Variants in ABAT observed in about 807,000 individuals in gnomAD.
The protein encoded by ABAT is 4-aminobutyrate aminotransferase, also known as 4-aminobutyrate aminotransferase, mitochondrial.
A neutral mutation model predicts 64.6 loss-of-function variants in ABAT; 45 were observed. The observed-to-expected ratio is 0.70, with a 90% CI of 0.55 to 0.89. ABAT has a LOEUF of 0.89. Ranked by LOEUF, ABAT falls within the 40% of genes least tolerant of loss-of-function variation. The pLI is 0.00. For missense variants in ABAT, 633 were observed against 658.4 expected, an observed-to-expected ratio of 0.96 and a Z score of 0.42; for synonymous variants, 297 against 250.5, an observed-to-expected ratio of 1.19 and a Z score of -1.75.
chr16:8,784,157 C>G lies in ABAT; in HGVS notation c.*2727C>G, dbSNP rs977168431. The G allele has an allele frequency of 2.6e-5, 4 of 152,652 alleles. No individual in the cohort carries two copies. Among genetic ancestry groups the G allele is most frequent in the African/African-American group, 9.6e-5 (4 of 41,456 alleles). The allele number at this position is 152,652 out of a possible 1,614,324, so 9.5% of individuals were successfully genotyped here. A position where few individuals can be genotyped will look rare whatever the true frequency, so the allele number is the denominator to read the frequency against. On this transcript the variant is annotated 3_prime_UTR_variant, in exon 16 of 16. Transcript: ENST00000268251. ...GCCGACAGTCTGGAAATGAATCCAT[C>G]ATACATTAGTGCCATAGAGTTTAGT...
intron 2 of ABAT, among the ~76,000 whole-genome samples, chr16:8,743,048 C>T: frequency 6.8e-6 from 1 of 146,490 alleles, no homozygotes; most frequent in African/African-American, 2.5e-5. Context: ...TGTTCTAGGA[C>T]CTTTAGCTCT....
Position 8,764,735 on chromosome 16 carries a change from C to T in ABAT, c.448-3C>T. 2 of 1,613,984 alleles carry T rather than the reference C, an allele frequency of 1.2e-6. No individual in the cohort carries two copies. Among genetic ancestry groups the T allele is most frequent in the East Asian group, 2.2e-5 (1 of 44,876 alleles). On this transcript the variant is annotated splice_polypyrimidine_tract_variant and splice_region_variant and intron_variant, in intron 7 of 15. Transcript: ENST00000268251. The surrounding 1 kb of genome is among the most constrained non-coding windows in gnomAD (Gnocchi z 4.2). ...GGGCTCACGGCTATTTCCCTCCCCA[C>T]AGGTGGCTCCCAAAGGGATGTCCCA...
rs61307956 is a variant in ABAT, at chr16:8,757,816, G to A, written c.366+10G>A. Reference sequence around the variant, plus strand: ...ACAGCCTCAAAATGCGGTAGGTCTTGGGGTTACACAGAAGAAAGACAAAAT... The same window carrying A: ...ACAGCCTCAAAATGCGGTAGGTCTTAGGGTTACACAGAAGAAAGACAAAAT... On this transcript the variant is annotated intron_variant, in intron 6 of 15. Coordinates refer to ENST00000268251, the MANE Select transcript of ABAT (RefSeq NM_020686.6). The A allele has an allele frequency of 1.6e-4, 255 of 1,613,870 alleles. 1 individual carries two copies. The African/African-American group carries it at 3.1e-3, about 20-fold the overall frequency.
chr16:8,696,082 A>G (rs1015628814), intron 1 of ABAT, among the ~76,000 whole-genome samples: 3 of 152,208 alleles, frequency 2.0e-5, no homozygotes, highest in Non-Finnish European at 4.4e-5. Flanking sequence ...CGATTTTGTA[A>G]CTTATTGAAG....
intron 1 of ABAT, among the ~76,000 whole-genome samples, chr16:8,681,744 C>G (rs930366718): frequency 1.3e-5 from 2 of 150,844 alleles, no homozygotes; most frequent in Non-Finnish European, 2.9e-5. Context: ...CGGGTTCAAG[C>G]GATTCTCCTG....
At chr16:8,742,051 T>C (rs947867263) in intron 2 of ABAT, among the ~76,000 whole-genome samples, 2 of 152,206 alleles carry the variant, frequency 1.3e-5, no homozygotes, top group Admixed American at 6.5e-5. Flanking sequence ...ATGGAAAACA[T>C]GATAGGAGCT....
chr16:8,738,035 C>A lies in ABAT; in HGVS notation c.70+2226C>A, dbSNP rs375926456. Among the ~76,000 whole-genome samples, 768 of 85,956 alleles carry A rather than the reference C, an allele frequency of 8.9e-3. 76 individuals are homozygous for A. Among genetic ancestry groups the A allele is most frequent in the African/African-American group, 0.038 (648 of 17,196 alleles). The allele number at this position is 85,956 out of a possible 152,430, so 56.4% of individuals were successfully genotyped here. The stretch of plus-strand genomic sequence containing the variant: ...AAGAAAGGAAAGAAAGAAAGAAGGA[C>A]AGACAGACAAGACAGTGGCTCACAG... On this transcript the variant is annotated intron_variant, in intron 2 of 15. Coordinates refer to ENST00000268251, the MANE Select transcript of ABAT (RefSeq NM_020686.6).
intron 2 of ABAT, among the ~76,000 whole-genome samples, chr16:8,741,695 A>G (rs2059166209): frequency 6.6e-6 from 1 of 152,220 alleles, no homozygotes; most frequent in Non-Finnish European, 1.5e-5. Context: ...GTCATCATTA[A>G]GAGAATATTC....
At chr16:8,682,327 T>C (rs1213561944) in intron 1 of ABAT, among the ~76,000 whole-genome samples, 1 of 152,080 alleles carries the variant, frequency 6.6e-6, no homozygotes. Flanking sequence ...TTGGCTAGAT[T>C]GATGGATACA....
chr16:8,768,424 T>C (rs969600620), intron 10 of ABAT, among the ~76,000 whole-genome samples, 168 bp downstream of exon 10: 25 of 152,278 alleles, frequency 1.6e-4, no homozygotes, highest in Middle Eastern at 6.8e-3. Context: ...GGGGAATCAG[T>C]GTTCAGGAAG....
intron 8 of ABAT, 136 bp from the exon 9 acceptor site, chr16:8,766,072 C>T (rs1490471822): frequency 7.4e-6 from 6 of 805,852 alleles, no homozygotes; most frequent in South Asian, 5.8e-5. Context: ...TACAGACCTG[C>T]AACAATTAAT....
At chr16:8,730,808 G>A (rs2058696174) in intron 1 of ABAT, among the ~76,000 whole-genome samples, 1 of 152,172 alleles carries the variant, frequency 6.6e-6, no homozygotes, top group Non-Finnish European at 1.5e-5. Context: ...CACAAGCCAG[G>A]ACTCCTGAGC....
rs564906869 is a variant in ABAT, at chr16:8,764,656, C to T, written c.448-82C>T. 1.4e-5 allele frequency: 19 copies of T among 1,332,576 alleles called. No homozygotes were observed. The highest frequency in any genetic ancestry group is 4.3e-5 in the African/African-American group (3 of 69,362). The allele number at this position is 1,332,576 out of a possible 1,614,324, so 82.5% of individuals were successfully genotyped here. On this transcript the variant is annotated intron_variant, in intron 7 of 15. Transcript: ENST00000268251. The surrounding 1 kb of genome is among the most constrained non-coding windows in gnomAD (Gnocchi z 4.2). ...CTGTCTGTCCCCGGTACGGCCCCTGCGAAGATTCAGCTCCAGCCAGGGGAA... is the reference window on the plus strand; with the variant it reads ...CTGTCTGTCCCCGGTACGGCCCCTGTGAAGATTCAGCTCCAGCCAGGGGAA...
At chr16:8,769,236 G>T (rs2060032088) in intron 11 of ABAT, among the ~76,000 whole-genome samples, 1 of 152,198 alleles carries the variant, frequency 6.6e-6, no homozygotes, top group African/African-American at 2.4e-5. Context: ...TGGAAGACAA[G>T]AGTCAATGAC....
At chr16:8,687,197 C>T (rs2057474427) in intron 1 of ABAT, among the ~76,000 whole-genome samples, 1 of 152,160 alleles carries the variant, frequency 6.6e-6, no homozygotes, top group South Asian at 2.1e-4. Context: ...TGGCCGCCTG[C>T]CCTCCCACGG....
intron 11 of ABAT, among the ~76,000 whole-genome samples, chr16:8,771,508 C>T (rs1299595284): frequency 6.7e-6 from 1 of 148,282 alleles, no homozygotes; most frequent in African/African-American, 2.6e-5. Context: ...ACTCTCTTGC[C>T]CAGGCTGGGG....
In ABAT at chr16:8,768,838, C is replaced by T. The variant is rs766685182; in HGVS notation, c.681C>T (p.Thr227=). Residue 227 remains threonine, a synonymous_variant, in exon 11 of 16, where the codon ACC becomes ACT. Transcript: ENST00000268251. ...FHGRTMGCLA[T]THSKAIHKID... ...TGCTGAACTCAGGTTGCTTAGCGAC[C>T]ACGCACTCTAAAGCCATTCACAAGA... The T allele has an allele frequency of 3.1e-6, 5 of 1,614,172 alleles. No individual in the cohort carries two copies. Among genetic ancestry groups the T allele is most frequent in the South Asian group, 1.1e-5 (1 of 91,086 alleles).
chr16:8,738,616 G>GTTTTTTTTTTTTTT lies in ABAT; in HGVS notation c.70+2812_70+2813insTTTTTTTTTTTTTT, dbSNP rs772511380. Among the ~76,000 whole-genome samples the GTTTTTTTTTTTTTT allele has an allele frequency of 1.3e-4, 15 of 117,632 alleles. 1 individual carries two copies. Among genetic ancestry groups the GTTTTTTTTTTTTTT allele is most frequent in the East Asian group, 2.7e-4 (1 of 3,736 alleles). 77.2% of individuals were successfully genotyped at this position (117,632 alleles called of 152,430 possible). On this transcript the variant is annotated intron_variant, in intron 2 of 15. Coordinates refer to ENST00000268251, the MANE Select transcript of ABAT (RefSeq NM_020686.6). ...TTTTTTCTTTTTTGTTTTTGTTTTT[G>GTTTTTTTTTTTTTT]TTTTTGTTTTTGTTTTTTTTTTGGT... is the stretch of plus-strand genomic sequence containing the variant.
intron 2 of ABAT, chr16:8,737,602 C>T (rs1403784982): frequency 6.6e-6 from 1 of 152,022 alleles, no homozygotes; most frequent in Non-Finnish European, 1.5e-5. Context: ...TAACATCTTA[C>T]ATCACCAAGA....
Sources: gnomAD v4.1 joint callset for allele counts (sites outside exome capture counted in the v4.1 genomes callset) on GRCh38, gnomAD v4.1.1 for gene constraint, Gnocchi (gnomAD v3.1) non-coding constraint, MANE v1.5 for transcripts, NCBI Gene and HGNC (gene_info 2026-07-23, HGNC 2026-07-21) for gene names.